The following ITPK1 variants were observed in gnomAD, a reference collection of about 807,000 sequenced individuals.
ITPK1 encodes inositol 1,3,4-trisphosphate 5/6-kinase.
A neutral mutation model predicts 45.3 loss-of-function variants in ITPK1; 21 were observed. The ratio of observed to expected loss-of-function variants is 0.46; its 90% CI spans 0.33 to 0.67. The LOEUF (loss-of-function observed/expected upper bound fraction) is 0.67, where lower values mean the gene tolerates loss of function less well. Ranked by LOEUF, ITPK1 falls within the 30% of genes least tolerant of loss-of-function variation. ITPK1 has a pLI of 0.02. For synonymous variants in ITPK1, 258 were observed against 253.6 expected, an observed-to-expected ratio of 1.02 and a Z score of -0.16; for missense variants, 474 against 573.5, an observed-to-expected ratio of 0.83 and a Z score of 1.77.
At chr14:92,994,665 C>T (rs1476354789) in intron 4 of ITPK1, among the ~76,000 whole-genome samples, 1 of 152,184 alleles carries the variant, frequency 6.6e-6, no homozygotes, top group Non-Finnish European at 1.5e-5. Flanking sequence ...GTGGGCCAGA[C>T]CAACCCGAGC....
At position 93,040,965 on chromosome 14, in the gene ITPK1, A is replaced by G. The variant is rs529400210; in HGVS notation, c.121-24164T>C. Among the ~76,000 whole-genome samples, 19 of 152,300 alleles carry G rather than the reference A, an allele frequency of 1.2e-4. No individual in the cohort carries two copies. In the East Asian group the frequency reaches 3.1e-3, roughly 25 times the overall value. ...CATCTCGAGGTGTCGTGCACATTCA[A>G]CAAGATAGGATGTCTATGCACTGAG... On this transcript the variant is annotated intron_variant, in intron 3 of 10. Transcript: ENST00000267615.
chr14:92,952,062 C>T (rs757646468), intron 8 of ITPK1, 49 bp from the exon 9 acceptor site: 2 of 1,440,060 alleles, frequency 1.4e-6, no homozygotes, highest in South Asian at 2.4e-5. Flanking sequence ...AATGCAGGGA[C>T]CACACTGCCG....
intron 5 of ITPK1, among the ~76,000 whole-genome samples, chr14:92,990,815 C>A (rs1301889011): frequency 6.6e-6 from 1 of 152,170 alleles, no homozygotes; most frequent in Non-Finnish European, 1.5e-5. Flanking sequence ...GCCTGCTATT[C>A]CTGGGAGAGC....
intron 9 of ITPK1, among the ~76,000 whole-genome samples, chr14:92,949,434 C>T (rs540016323): frequency 1.3e-5 from 2 of 152,322 alleles, no homozygotes; most frequent in East Asian, 1.9e-4. Context: ...GTCACTCTTG[C>T]CAGTGGGGGC....
intron 3 of ITPK1, among the ~76,000 whole-genome samples, chr14:93,057,268 A>G (rs1890247149): frequency 6.6e-6 from 1 of 152,168 alleles, no homozygotes; most frequent in Non-Finnish European, 1.5e-5. Flanking sequence ...TTTGCTATAC[A>G]CAGAAACACT....
intron 3 of ITPK1, among the ~76,000 whole-genome samples, chr14:93,019,709 G>A (rs1190766820): frequency 1.3e-5 from 2 of 152,130 alleles, no homozygotes; most frequent in African/African-American, 4.8e-5. Flanking sequence ...CCCTCCACTA[G>A]CTAGAAAAGA....
intron 3 of ITPK1, among the ~76,000 whole-genome samples, chr14:93,062,498 A>G (rs1393651947): frequency 2.0e-5 from 3 of 152,172 alleles, no homozygotes; most frequent in Non-Finnish European, 4.4e-5. Flanking sequence ...TTATGCTCAA[A>G]GGACATGAAT....
chr14:93,102,693 A>G (rs1423452112), intron 2 of ITPK1, among the ~76,000 whole-genome samples: 1 of 152,190 alleles, frequency 6.6e-6, no homozygotes, highest in East Asian at 1.9e-4. Context: ...ACAGTGGCTC[A>G]AGCCTATAAT....
chr14:93,057,848 G>A (rs1890274466), intron 3 of ITPK1, among the ~76,000 whole-genome samples: 1 of 152,194 alleles, frequency 6.6e-6, no homozygotes, highest in African/African-American at 2.4e-5. Context: ...GTGGCGCTAG[G>A]CACCTTGATG....
intron 5 of ITPK1, among the ~76,000 whole-genome samples, chr14:92,968,316 C>T (rs151145894): frequency 3.3e-5 from 5 of 151,474 alleles, no homozygotes; most frequent in Admixed American, 2.0e-4. Context: ...GGTAACAGAG[C>T]GAGACTCTGT....
At chr14:93,096,632 A>G (rs1163909779) in intron 2 of ITPK1, among the ~76,000 whole-genome samples, 1 of 152,202 alleles carries the variant, frequency 6.6e-6, no homozygotes, top group Non-Finnish European at 1.5e-5. Context: ...CCAGCAGCAC[A>G]AGGAGAAGGA....
chr14:92,978,016 G>A (rs1886035118), intron 5 of ITPK1, among the ~76,000 whole-genome samples: 1 of 151,992 alleles, frequency 6.6e-6, no homozygotes, highest in Non-Finnish European at 1.5e-5. Context: ...GAACTTCCCA[G>A]AGACTTGTGG....
At chr14:93,102,438 C>G (rs1159801951) in intron 2 of ITPK1, among the ~76,000 whole-genome samples, 1 of 152,258 alleles carries the variant, frequency 6.6e-6, no homozygotes, top group Non-Finnish European at 1.5e-5. Context: ...CTTTTCTTTT[C>G]AAGGATCCCA....
chr14:93,110,382 C>A (rs1379853841), intron 2 of ITPK1, among the ~76,000 whole-genome samples: 1 of 152,184 alleles, frequency 6.6e-6, no homozygotes, highest in African/African-American at 2.4e-5. Context: ...ACCCACAGAC[C>A]AGCATCACTT....
At chr14:92,995,431 G>C (rs1887002569) in intron 4 of ITPK1, among the ~76,000 whole-genome samples, 1 of 152,212 alleles carries the variant, frequency 6.6e-6, no homozygotes, top group Non-Finnish European at 1.5e-5. Flanking sequence ...GTGACCACTT[G>C]TTAAGCCAAA....
intron 2 of ITPK1, among the ~76,000 whole-genome samples, chr14:93,086,045 A>C (rs1214836114): frequency 6.6e-6 from 1 of 151,862 alleles, no homozygotes; most frequent in African/African-American, 2.4e-5. Flanking sequence ...GGTTCTCTTC[A>C]CAGCAGCTTC....
At chr14:93,074,792 G>A (rs1267386371) in intron 3 of ITPK1, among the ~76,000 whole-genome samples, 1 of 152,112 alleles carries the variant, frequency 6.6e-6, no homozygotes, top group Admixed American at 6.6e-5. Flanking sequence ...CATCCTAGAG[G>A]TGCAATGGTT....
chr14:92,940,468 C>T lies in ITPK1; in HGVS notation c.*1093G>A. 1.8e-6 allele frequency: 2 copies of T among 1,116,984 alleles called. No individual in the cohort carries two copies. Among genetic ancestry groups the T allele is most frequent in the Non-Finnish European group, 1.1e-6 (1 of 905,160 alleles). The allele number at this position is 1,116,984 out of a possible 1,614,324, so 69.2% of individuals were successfully genotyped here. A position where few individuals can be genotyped will look rare whatever the true frequency, so the allele number is the denominator to read the frequency against. On this transcript the variant is annotated 3_prime_UTR_variant, in exon 11 of 11. Coordinates refer to ENST00000267615, the MANE Select transcript of ITPK1 (RefSeq NM_014216.6). ...CGATGGGGGGCGGGTGGCTCCCTGG[C>T]ACCTGCTGGCTCAGTGCTTGGGGCT...
chr14:92,988,973 T>C (rs552006581), intron 5 of ITPK1, among the ~76,000 whole-genome samples: 63 of 152,114 alleles, frequency 4.1e-4, no homozygotes, highest in African/African-American at 1.3e-3. Flanking sequence ...GCGGTGGCAA[T>C]GGGCAGGGTC....
Sources: allele counts gnomAD v4.1 joint callset (sites outside exome capture counted in the v4.1 genomes callset), GRCh38; gene constraint gnomAD v4.1.1; transcripts MANE v1.5; gene names NCBI Gene and HGNC (gene_info 2026-07-23, HGNC 2026-07-21).